Variants in NRXN3 observed in about 807,000 individuals in gnomAD.
The protein encoded by NRXN3 is neurexin III.
In NRXN3, 32 loss-of-function variants were observed where a neutral mutation model predicts 137.6. The ratio of observed to expected loss-of-function variants is 0.23; its 90% CI spans 0.18 to 0.31. The LOEUF (loss-of-function observed/expected upper bound fraction) is 0.31. Ranked by LOEUF, NRXN3 falls within the 10% of genes least tolerant of loss-of-function variation. NRXN3 has a pLI of 1.00. For synonymous variants in NRXN3, 798 were observed against 784.5 expected, an observed-to-expected ratio of 1.02 and a Z score of -0.29; for missense variants, 1,574 against 2,062.5, an observed-to-expected ratio of 0.76 and a Z score of 4.59.
intron 15 of NRXN3, among the ~76,000 whole-genome samples, chr14:79,137,081 T>C (rs1246693301): frequency 2.0e-5 from 3 of 152,180 alleles, no homozygotes; most frequent in Non-Finnish European, 4.4e-5. Context: ...CCCAACCAAA[T>C]AAGAAATAAG....
At chr14:79,695,858 C>A (rs890682195) in intron 18 of NRXN3, among the ~76,000 whole-genome samples, 3 of 151,900 alleles carry the variant, frequency 2.0e-5, no homozygotes, top group Non-Finnish European at 4.4e-5. Flanking sequence ...TCCTTGGGAT[C>A]TGGGTAATTC....
intron 2 of NRXN3, among the ~76,000 whole-genome samples, chr14:78,270,367 A>G (rs537913587): frequency 1.3e-5 from 2 of 152,254 alleles, no homozygotes; most frequent in East Asian, 1.9e-4. Flanking sequence ...GCAGATGTGT[A>G]TTCCTTTCCC....
chr14:78,494,359 G>A (rs182644722), intron 4 of NRXN3, among the ~76,000 whole-genome samples: 10 of 151,444 alleles, frequency 6.6e-5, no homozygotes, highest in East Asian at 3.9e-4. Flanking sequence ...CATATTTGGC[G>A]TGTTTTGTTG....
Position 79,284,428 on chromosome 14 carries a change from A to C in NRXN3, c.3263-182793A>C, listed in dbSNP as rs542418146. 1.7e-4 allele frequency among the ~76,000 whole-genome samples: 24 copies of C among 145,210 alleles called. No homozygotes were observed. The South Asian group carries it at 4.4e-3, about 27-fold the overall frequency. On this transcript the variant is annotated intron_variant, in intron 15 of 20. Coordinates refer to ENST00000335750, the MANE Select transcript of NRXN3 (RefSeq NM_001330195.2). ...CTGCCTAAAAAATGCTTCAGTATTT[A>C]TAGTTTAAATGCAGGTTTCTCTAAG...
chr14:79,808,512 A>G (rs2099219151), intron 20 of NRXN3, among the ~76,000 whole-genome samples: 1 of 151,962 alleles, frequency 6.6e-6, no homozygotes, highest in African/African-American at 2.4e-5. Flanking sequence ...CACTGCCTCC[A>G]TTTCTAAAAC....
At chr14:79,329,848 T>G (rs1310254003) in intron 15 of NRXN3, among the ~76,000 whole-genome samples, 2 of 151,992 alleles carry the variant, frequency 1.3e-5, no homozygotes, top group Non-Finnish European at 2.9e-5. Flanking sequence ...AAAGAGTTTT[T>G]TTTTTTTTTT....
At chr14:78,342,161 A>G (rs1159254393) in intron 4 of NRXN3, among the ~76,000 whole-genome samples, 1 of 152,204 alleles carries the variant, frequency 6.6e-6, no homozygotes, top group East Asian at 1.9e-4. Context: ...AGAGAGAGGG[A>G]GAGAGATGTC....
chr14:78,633,338 C>A (rs558849118), intron 4 of NRXN3, among the ~76,000 whole-genome samples: 4 of 151,000 alleles, frequency 2.6e-5, no homozygotes, highest in Non-Finnish European at 5.9e-5. Context: ...GTTTTATGCA[C>A]CATATTAGTA....
chr14:78,718,348 T>C, intron 8 of NRXN3, among the ~76,000 whole-genome samples: 1 of 152,110 alleles, frequency 6.6e-6, no homozygotes, highest in East Asian at 1.9e-4. Context: ...GAAGCACTTG[T>C]GTATATACAC....
At chr14:79,055,365 T>C (rs1371026885) in intron 15 of NRXN3, among the ~76,000 whole-genome samples, 3 of 152,178 alleles carry the variant, frequency 2.0e-5, no homozygotes, top group African/African-American at 7.2e-5. Context: ...AGGGAGATAA[T>C]ATTACTCCGA....
At chr14:78,539,797 G>T (rs1566686125) in intron 4 of NRXN3, among the ~76,000 whole-genome samples, 1 of 152,136 alleles carries the variant, frequency 6.6e-6, no homozygotes, top group African/African-American at 2.4e-5. Flanking sequence ...AGAGATTCTG[G>T]TATGTTGTGT....
intron 19 of NRXN3, among the ~76,000 whole-genome samples, chr14:79,748,595 A>C (rs1388187933): frequency 1.3e-5 from 2 of 152,130 alleles, no homozygotes; most frequent in Non-Finnish European, 2.9e-5. Flanking sequence ...TGGACGATGC[A>C]TTTGAAGCCA....
At chr14:78,329,827 T>C (rs778684690) in intron 4 of NRXN3, among the ~76,000 whole-genome samples, 1 of 152,178 alleles carries the variant, frequency 6.6e-6, no homozygotes, top group Non-Finnish European at 1.5e-5. Context: ...AAGAAGACAA[T>C]AGGAAGCTCA....
At chr14:78,907,244 G>GTGGTGC (rs2099220570) in intron 10 of NRXN3, among the ~76,000 whole-genome samples, 13 of 151,856 alleles carry the variant, frequency 8.6e-5, no homozygotes, top group Admixed American at 8.6e-4. Context: ...CTTAACATGT[G>GTGGTGC]TGGTGCTCTT....
At position 78,887,533 on chromosome 14, in the gene NRXN3, T is replaced by A. The variant is rs569102726; in HGVS notation, c.2276-69709T>A. ...AAACATAAGTGCATGGATGCCTGAT[T>A]TTTTTCCCCCAGTATTCAAGAACCT... On this transcript the variant is annotated intron_variant, in intron 10 of 20. Coordinates refer to ENST00000335750, the MANE Select transcript of NRXN3 (RefSeq NM_001330195.2). Among the ~76,000 whole-genome samples the A allele has an allele frequency of 8.8e-4, 134 of 152,152 alleles. 1 individual carries two copies. The highest frequency in any genetic ancestry group is 2.8e-3 in the African/African-American group (118 of 41,540).
chr14:78,791,749 T>G lies in NRXN3; in HGVS notation c.2045-11871T>G, dbSNP rs548994809. Among the ~76,000 whole-genome samples, 3 of 152,222 alleles carry G rather than the reference T, an allele frequency of 2.0e-5. No homozygotes were observed. In the East Asian group the frequency reaches 5.8e-4, roughly 29 times the overall value. On this transcript the variant is annotated intron_variant, in intron 8 of 20. Transcript: ENST00000335750. The stretch of plus-strand genomic sequence containing the variant: ...AGGGTGACTTCTGGAATAGGACACT[T>G]AACAAAGCTTCAGGAATAAGACACA...
intron 15 of NRXN3, among the ~76,000 whole-genome samples, chr14:79,020,490 C>A (rs1223373127): frequency 2.0e-5 from 3 of 147,928 alleles, no homozygotes; most frequent in African/African-American, 7.6e-5. Context: ...GTCTTGAATT[C>A]TCAACCTCAG....
At chr14:79,847,819 C>A (rs2205222) in intron 20 of NRXN3, among the ~76,000 whole-genome samples, 132,657 of 151,974 alleles carry the variant, frequency 0.87, 58,238 homozygotes, top group East Asian at 0.96. Flanking sequence ...TTTCTCCCAA[C>A]GTGTTGATAC....
intron 4 of NRXN3, among the ~76,000 whole-genome samples, chr14:78,582,659 T>TA (rs1430060902): frequency 6.6e-6 from 1 of 152,200 alleles, no homozygotes; most frequent in Non-Finnish European, 1.5e-5. Flanking sequence ...AAGGCCCTTG[T>TA]AAAATGTCAG....
Sources: allele counts gnomAD v4.1 joint callset (sites outside exome capture counted in the v4.1 genomes callset), GRCh38; gene constraint gnomAD v4.1.1; transcripts MANE v1.5; gene names NCBI Gene and HGNC (gene_info 2026-07-23, HGNC 2026-07-21).